The following LRBA variants were observed in gnomAD, a reference collection of about 807,000 sequenced individuals.
The protein encoded by LRBA is LPS responsive beige-like anchor protein, also known as lipopolysaccharide-responsive and beige-like anchor protein.
In LRBA, 176 loss-of-function variants were observed where a neutral mutation model predicts 330.0. That is an observed-to-expected ratio of 0.53 (90% CI 0.47 to 0.60). The LOEUF is 0.60. Ranked by LOEUF, LRBA falls within the 20% of genes least tolerant of loss-of-function variation. The probability of loss-of-function intolerance (pLI) is 0.00; values close to 1 mark genes in which losing one functional copy is unlikely to be tolerated. For synonymous variants in LRBA, 1,230 were observed against 1,193.0 expected (o/e 1.03, Z -0.64); for missense variants, 3,259 against 3,444.8 (o/e 0.95, Z 1.35).
In LRBA at chr4:151,014,819, T is replaced by C; in HGVS notation, c.-177A>G. On this transcript the variant is annotated 5_prime_UTR_variant, in exon 2 of 57. Coordinates refer to ENST00000651943, the MANE Select transcript of LRBA (RefSeq NM_001364905.1). ...GTCGCCCTCCTCCTCTTGGAGAATA[T>C]TTGTCCAATCTCTCTCCCCGAGGCT... 7 of 574,126 alleles carry C rather than the reference T, an allele frequency of 1.2e-5. No homozygotes were observed. In the South Asian group the frequency reaches 1.7e-4, roughly 14 times the overall value. The allele number at this position is 574,126 out of a possible 1,614,324, so 35.6% of individuals were successfully genotyped here.
chr4:150,669,092 T>G (rs766832767), intron 37 of LRBA, among the ~76,000 whole-genome samples: 3 of 152,186 alleles, frequency 2.0e-5, no homozygotes, highest in Non-Finnish European at 4.4e-5. Flanking sequence ...TCTCTTCTAC[T>G]GTGGCCTGGC....
At chr4:150,655,230 C>G (rs1780071395) in intron 37 of LRBA, among the ~76,000 whole-genome samples, 1 of 152,130 alleles carries the variant, frequency 6.6e-6, no homozygotes, top group Non-Finnish European at 1.5e-5. Flanking sequence ...TTTGCCCCTC[C>G]CCATTCCTTA....
At position 150,538,643 on chromosome 4, in the gene LRBA, G is replaced by A. The variant is rs183085161; in HGVS notation, c.6331-47608C>T. On this transcript the variant is annotated intron_variant, in intron 40 of 56. Transcript: ENST00000651943. Reference sequence around the variant, plus strand: ...AGAGATTAGAGACTACTAAAGGGGGGAGATGGGGAGGGGTAAAAGGGGTGA... The same window carrying A: ...AGAGATTAGAGACTACTAAAGGGGGAAGATGGGGAGGGGTAAAAGGGGTGA... Among the ~76,000 whole-genome samples, 419 of 152,014 alleles carry A rather than the reference G, an allele frequency of 2.8e-3. 1 individual carries two copies. Among genetic ancestry groups the A allele is most frequent in the Non-Finnish European group, 3.5e-3 (241 of 67,940 alleles).
At chr4:150,798,283 A>G in intron 33 of LRBA, 141 bp from the exon 34 acceptor site, 1 of 565,656 alleles carries the variant, frequency 1.8e-6, no homozygotes, top group Non-Finnish European at 3.2e-6. Flanking sequence ...AATAAGGTAC[A>G]CTATAGTTAG....
intron 15 of LRBA, among the ~76,000 whole-genome samples, chr4:150,897,237 T>C (rs977072785): frequency 6.6e-6 from 1 of 152,020 alleles, no homozygotes; most frequent in African/African-American, 2.4e-5. Flanking sequence ...ACAATTACAT[T>C]TATATATTGC....
At chr4:150,753,630 T>TA (rs1444591714) in intron 35 of LRBA, among the ~76,000 whole-genome samples, 8 of 152,236 alleles carry the variant, frequency 5.3e-5, no homozygotes, top group Middle Eastern at 3.4e-3. Flanking sequence ...TTGGTCTTGG[T>TA]AAAAAAATGT....
At chr4:151,008,830 G>A (rs188617240) in intron 2 of LRBA, among the ~76,000 whole-genome samples, 174 of 150,382 alleles carry the variant, frequency 1.2e-3, no homozygotes, top group South Asian at 1.9e-3. Flanking sequence ...AAAATTAGCC[G>A]GGCTTGCTGG....
chr4:150,902,387 G>A (rs1730838847), intron 13 of LRBA, among the ~76,000 whole-genome samples: 1 of 151,978 alleles, frequency 6.6e-6, no homozygotes, highest in South Asian at 2.1e-4. Flanking sequence ...TAATACTGAT[G>A]CCTGAGTCCC....
At chr4:150,532,855 C>T (rs1250674467) in intron 40 of LRBA, among the ~76,000 whole-genome samples, 1 of 151,922 alleles carries the variant, frequency 6.6e-6, no homozygotes, top group Non-Finnish European at 1.5e-5. Context: ...TTTTTATGTA[C>T]ATCACAACAA....
intron 47 of LRBA, among the ~76,000 whole-genome samples, chr4:150,388,202 TG>T (rs1406158582): frequency 4.6e-5 from 7 of 152,254 alleles, no homozygotes; most frequent in Non-Finnish European, 1.0e-4. Flanking sequence ...CCAGTTCTAC[TG>T]GAACAGGGCT....
intron 40 of LRBA, chr4:150,579,607 A>G (rs1561380287): frequency 4.4e-6 from 2 of 452,456 alleles, no homozygotes; most frequent in South Asian, 3.1e-5. Flanking sequence ...GTAAAAGTGG[A>G]GAAGCGTAGG....
At chr4:150,554,784 G>A (rs1016624944) in intron 40 of LRBA, among the ~76,000 whole-genome samples, 1 of 151,986 alleles carries the variant, frequency 6.6e-6, no homozygotes, top group Non-Finnish European at 1.5e-5. Context: ...AGGCTTTTCA[G>A]GAATGTTATC....
intron 2 of LRBA, among the ~76,000 whole-genome samples, chr4:150,999,620 G>A (rs1743103533): frequency 6.6e-6 from 1 of 150,812 alleles, no homozygotes; most frequent in South Asian, 2.1e-4. Context: ...TTTCCTCTAA[G>A]ATAGTAAAAT....
At chr4:150,821,486 T>A (rs1398429611) in intron 30 of LRBA, among the ~76,000 whole-genome samples, 2 of 149,916 alleles carry the variant, frequency 1.3e-5, no homozygotes, top group African/African-American at 4.9e-5. Context: ...TGTTGCTGGA[T>A]TTTTTTTTTC....
At chr4:150,898,954 C>T (rs985186737) in intron 14 of LRBA, among the ~76,000 whole-genome samples, 49 of 152,278 alleles carry the variant, frequency 3.2e-4, no homozygotes, top group African/African-American at 1.1e-3. Flanking sequence ...AAGTAGTATG[C>T]AAATTGAAAA....
intron 2 of LRBA, among the ~76,000 whole-genome samples, chr4:150,976,813 A>T (rs1270199317): frequency 6.6e-6 from 1 of 152,154 alleles, no homozygotes; most frequent in Non-Finnish European, 1.5e-5. Flanking sequence ...TGGGAGTGGG[A>T]GAGTGCAGCG....
At chr4:150,868,017 C>A (rs918458561) in intron 21 of LRBA, among the ~76,000 whole-genome samples, 154 bp from the exon 22 acceptor site, 3 of 151,846 alleles carry the variant, frequency 2.0e-5, no homozygotes, top group African/African-American at 7.3e-5. Context: ...CAATGTGGTA[C>A]TAAAAATTCT....
At chr4:150,315,415 G>A (rs1218270828) in intron 51 of LRBA, 146 bp downstream of exon 51, 2 of 725,534 alleles carry the variant, frequency 2.8e-6, no homozygotes, top group Non-Finnish European at 2.5e-6. Flanking sequence ...CATAGCCACA[G>A]CTCATTGCAT....
intron 9 of LRBA, among the ~76,000 whole-genome samples, chr4:150,913,294 C>T (rs1275854109): frequency 6.6e-6 from 1 of 152,116 alleles, no homozygotes; most frequent in Non-Finnish European, 1.5e-5. Flanking sequence ...ATGGCAAAAC[C>T]CCATCTCTAT....
Sources: gnomAD v4.1 joint callset for allele counts (sites outside exome capture counted in the v4.1 genomes callset) on GRCh38, gnomAD v4.1.1 for gene constraint, MANE v1.5 for transcripts, NCBI Gene and HGNC (gene_info 2026-07-23, HGNC 2026-07-21) for gene names.